The following DERL1 variants were observed in gnomAD, a reference collection of about 807,000 sequenced individuals.
DERL1 encodes derlin 1.
Under a neutral mutation model 41.6 loss-of-function variants are expected in DERL1, and 24 were observed. The ratio of observed to expected loss-of-function variants is 0.58; its 90% confidence interval spans 0.42 to 0.81. The LOEUF is 0.81. Among genes scored for constraint, DERL1 ranks in the 30% least tolerant of loss-of-function variants. DERL1 has a pLI of 0.00. For synonymous variants in DERL1, 124 were observed against 112.5 expected, an observed-to-expected ratio of 1.10 and a Z score of -0.65; for missense variants, 260 against 314.3, an observed-to-expected ratio of 0.83 and a Z score of 1.31.
chr8:123,025,108 T>C, intron 2 of DERL1, 58 bp from the exon 3 acceptor site: 1 of 1,552,104 alleles, frequency 6.4e-7, no homozygotes, highest in Non-Finnish European at 8.8e-7. Context: ...AAGTAACATC[T>C]ACATAGAGAA....
rs76470543 is a variant in DERL1, at chr8:123,015,366, T to C, written c.*81A>G. ...CAGTGTGGGTCAGGTCCAACAGTGT[T>C]AGCCAGAACGCAGTTGTTAAGTGCA... On this transcript the variant is annotated 3_prime_UTR_variant, in exon 8 of 8. Coordinates refer to ENST00000259512, the MANE Select transcript of DERL1 (RefSeq NM_024295.6). The C allele has an allele frequency of 1.0e-3, 1,610 of 1,547,882 alleles. 13 individuals are homozygous for C. The African/African-American group carries it at 0.019, about 19-fold the overall frequency.
At chr8:123,026,336 C>T (rs993823531) in intron 2 of DERL1, among the ~76,000 whole-genome samples, 2 of 152,092 alleles carry the variant, frequency 1.3e-5, no homozygotes, top group African/African-American at 4.8e-5. Flanking sequence ...CTGTCTGATT[C>T]CTAAGGAGTC....
intron 2 of DERL1, among the ~76,000 whole-genome samples, chr8:123,027,680 G>A (rs1347195206): frequency 6.6e-6 from 1 of 152,152 alleles, no homozygotes; most frequent in Non-Finnish European, 1.5e-5. Context: ...GGTATTCAGA[G>A]AGAATAACAT....
At chr8:123,018,181 G>T (rs541809709) in intron 7 of DERL1, 20 of 152,208 alleles carry the variant, frequency 1.3e-4, no homozygotes, top group African/African-American at 4.6e-4. Context: ...TGGTTTGTTT[G>T]TTTTTTTAAA....
At chr8:123,034,457 A>AT (rs1812881451) in intron 1 of DERL1, among the ~76,000 whole-genome samples, 1 of 152,136 alleles carries the variant, frequency 6.6e-6, no homozygotes, top group Non-Finnish European at 1.5e-5. Flanking sequence ...TCCATAGTTA[A>AT]TTTTTTTAAA....
chr8:123,025,642 A>G (rs1051768565), intron 2 of DERL1: 3 of 152,444 alleles, frequency 2.0e-5, no homozygotes, highest in East Asian at 3.8e-4. Flanking sequence ...ACTGAAAAAG[A>G]AAGTCTCTGT....
chr8:123,021,840 T>A (rs1427840324), intron 5 of DERL1, among the ~76,000 whole-genome samples: 1 of 152,060 alleles, frequency 6.6e-6, no homozygotes, highest in East Asian at 1.9e-4. Context: ...CATGAGAGAA[T>A]CACACTAAGA....
rs1320323823 is a variant in DERL1, at chr8:123,025,039, C to A, written c.277G>T (p.Gly93Trp). The A allele has an allele frequency of 3.1e-6, 5 of 1,613,416 alleles. No homozygotes were observed. The highest frequency in any genetic ancestry group is 4.2e-6 in the Non-Finnish European group (5 of 1,179,750). ...ATGAATAAATAGTCTGCTGGCCTCC[C>A]ATCAAAAGCTCCTGGAAACAAAAAC... ...STRLETGAFD[G>W]RPADYLFMLL... The change falls in exon 3 of 8, where the codon GGG (glycine) becomes TGG (tryptophan). Residue 93 changes from glycine to tryptophan, a missense_variant. Transcript: ENST00000259512.
intron 1 of DERL1, among the ~76,000 whole-genome samples, chr8:123,031,437 C>T (rs1002133345): frequency 1.3e-5 from 2 of 151,828 alleles, no homozygotes; most frequent in African/African-American, 4.8e-5. Context: ...CTCAGCTACT[C>T]GGGAGGCTGA....
intron 1 of DERL1, among the ~76,000 whole-genome samples, chr8:123,039,946 A>G (rs2385075): frequency 6.6e-6 from 1 of 152,206 alleles, no homozygotes; most frequent in Non-Finnish European, 1.5e-5. Flanking sequence ...GGCCAGGCTC[A>G]GTGGCTCACG....
chr8:123,015,608 C>T lies in DERL1; in HGVS notation c.618-23G>A, dbSNP rs367675087. ...TACCTGGTGCAGAAAGACGGGGACA[C>T]AAACGGAGAGAAGAGAACAAAGTCA... On this transcript the variant is annotated intron_variant, in intron 7 of 7. Coordinates refer to ENST00000259512, the MANE Select transcript of DERL1 (RefSeq NM_024295.6). The T allele has an allele frequency of 9.7e-5, 156 of 1,601,738 alleles. No individual in the cohort carries two copies. The African/African-American group carries it at 2.0e-3, about 21-fold the overall frequency.
chr8:123,019,342 G>C, intron 6 of DERL1, 37 bp from the exon 7 acceptor site: 1 of 1,449,772 alleles, frequency 6.9e-7, no homozygotes, highest in East Asian at 2.3e-5. Flanking sequence ...AGACATTCAA[G>C]CAATAGAGAT....
rs59816749 is a variant in DERL1 at position 123,020,796 on chromosome 8, CAA to C, written c.506+649_506+650del. 3.2e-3 allele frequency among the ~76,000 whole-genome samples: 355 copies of C among 112,348 alleles called. 8 individuals are homozygous for C. Among genetic ancestry groups the C allele is most frequent in the African/African-American group, 5.1e-3 (137 of 26,728 alleles). The allele number at this position is 112,348 out of a possible 152,430, so 73.7% of individuals were successfully genotyped here. A position where few individuals can be genotyped will look rare whatever the true frequency, so the allele number is the denominator to read the frequency against. ...AAAACCCCATCTCTACTAAAAATCC[CAA>C]AAAAAAAAAAAAAAAAAAATAGCCG... On this transcript the variant is annotated intron_variant, in intron 6 of 7. Transcript: ENST00000259512.
At chr8:123,032,559 T>C (rs892981349) in intron 1 of DERL1, among the ~76,000 whole-genome samples, 1 of 152,252 alleles carries the variant, frequency 6.6e-6, no homozygotes, top group Non-Finnish European at 1.5e-5. Flanking sequence ...TGTAGGCATA[T>C]GTATCCATGA....
chr8:123,035,995 G>T (rs1812919587), intron 1 of DERL1, among the ~76,000 whole-genome samples: 1 of 152,000 alleles, frequency 6.6e-6, no homozygotes, highest in Non-Finnish European at 1.5e-5. Context: ...AGTAAACTGT[G>T]GCCTTTTTTG....
At chr8:123,017,795 C>CT in intron 7 of DERL1, 1 of 152,266 alleles carries the variant, frequency 6.6e-6, no homozygotes, top group East Asian at 1.9e-4. Flanking sequence ...AAGCACCAAG[C>CT]TTTTTTTAAT....
intron 7 of DERL1, 71 bp from the exon 8 acceptor site, chr8:123,015,656 C>G: frequency 2.7e-6 from 4 of 1,503,652 alleles, no homozygotes; most frequent in Non-Finnish European, 3.6e-6. Context: ...TATCTGACCT[C>G]CGAGAACACC....
intron 2 of DERL1, chr8:123,030,323 A>C: frequency 3.9e-6 from 1 of 255,072 alleles, no homozygotes; most frequent in Non-Finnish European, 7.3e-6. Flanking sequence ...AAAGGCACAC[A>C]GCTCAGCCAC....
At chr8:123,016,310 T>C (rs1003894091) in intron 7 of DERL1, 2 of 152,236 alleles carry the variant, frequency 1.3e-5, no homozygotes, top group Admixed American at 6.5e-5. Flanking sequence ...TTGACTCTTT[T>C]ATTAGTAAAC....
Sources: allele counts gnomAD v4.1 joint callset (sites outside exome capture counted in the v4.1 genomes callset), GRCh38; gene constraint gnomAD v4.1.1; transcripts MANE v1.5; gene names NCBI Gene and HGNC (gene_info 2026-07-23, HGNC 2026-07-21).